Variants in SFMBT2 observed in about 807,000 individuals in gnomAD.
The protein encoded by SFMBT2 is Scm like with four mbt domains 2.
In SFMBT2, 38 loss-of-function variants were observed where a neutral mutation model predicts 110.1. The ratio of observed to expected loss-of-function variants is 0.35; its 90% CI spans 0.27 to 0.45. The LOEUF (loss-of-function observed/expected upper bound fraction) is 0.45. SFMBT2 is among the 20% of genes least tolerant of loss of function. The pLI is 1.00. For missense variants in SFMBT2, 1,011 were observed against 1,094.9 expected, an observed-to-expected ratio of 0.92 and a Z score of 1.08; for synonymous variants, 425 against 425.4, an observed-to-expected ratio of 1.00 and a Z score of 0.01.
intron 4 of SFMBT2, among the ~76,000 whole-genome samples, chr10:7,344,077 C>T (rs1844021994): frequency 6.6e-6 from 1 of 152,172 alleles, no homozygotes; most frequent in South Asian, 2.1e-4. Flanking sequence ...GGGGCTTTTT[C>T]GTGCCTTCCT....
At chr10:7,251,202 G>A (rs1345626349) in intron 7 of SFMBT2, among the ~76,000 whole-genome samples, 1 of 151,304 alleles carries the variant, frequency 6.6e-6, no homozygotes, top group Non-Finnish European at 1.5e-5. Context: ...TGGGCTGGAC[G>A]CAGTGGCTCC....
rs952971320 is a variant in SFMBT2 at position 7,408,438 on chromosome 10, T to C, written c.-52+2423A>G. On this transcript the variant is annotated intron_variant, in intron 1 of 20. Coordinates refer to ENST00000397167, the MANE Select transcript of SFMBT2 (RefSeq NM_001387889.1). The surrounding 1 kb of genome is among the most constrained non-coding windows in gnomAD (Gnocchi z 5.7). ...CGTTCTGCGCTCCTGCAAACCACGT[T>C]GCTGCGCTAACTACAAACCTGGCCA... 3.3e-5 allele frequency among the ~76,000 whole-genome samples: 5 copies of C among 152,250 alleles called. No individual in the cohort carries two copies. Among genetic ancestry groups the C allele is most frequent in the Non-Finnish European group, 5.9e-5 (4 of 68,036 alleles).
At chr10:7,200,597 G>T in intron 13 of SFMBT2, 113 bp from the exon 14 acceptor site, 1 of 813,372 alleles carries the variant, frequency 1.2e-6, no homozygotes, top group South Asian at 2.2e-5. Context: ...CAGATAAGAG[G>T]ACCATAGAAT....
chr10:7,368,815 T>C (rs2132054256), intron 3 of SFMBT2, among the ~76,000 whole-genome samples: 1 of 152,346 alleles, frequency 6.6e-6, no homozygotes, highest in East Asian at 1.9e-4. Flanking sequence ...CATAACCACA[T>C]CATATGCTTG....
chr10:7,271,461 C>CA (rs1300684814), intron 7 of SFMBT2, among the ~76,000 whole-genome samples: 2 of 151,936 alleles, frequency 1.3e-5, no homozygotes, highest in East Asian at 3.9e-4. Context: ...CAAAGTTAGG[C>CA]AAAAAGAGGC....
intron 4 of SFMBT2, among the ~76,000 whole-genome samples, chr10:7,303,463 C>T (rs529735075): frequency 8.6e-5 from 13 of 151,874 alleles, no homozygotes; most frequent in Non-Finnish European, 1.3e-4. Flanking sequence ...CTTTCCACCA[C>T]GGAAAGATGG....
At chr10:7,200,542 A>T in intron 13 of SFMBT2, 58 bp from the exon 14 acceptor site, 2 of 1,404,752 alleles carry the variant, frequency 1.4e-6, no homozygotes, top group Non-Finnish European at 1.9e-6. Context: ...GAACTACTAC[A>T]TTCCAAAGTC....
chr10:7,250,659 C>T (rs1373696854), intron 7 of SFMBT2, among the ~76,000 whole-genome samples: 1 of 152,200 alleles, frequency 6.6e-6, no homozygotes, highest in Non-Finnish European at 1.5e-5. Context: ...AATCTCAAAA[C>T]TGCTTTCACA....
intron 17 of SFMBT2, among the ~76,000 whole-genome samples, chr10:7,174,104 C>A (rs551712087): frequency 3.3e-5 from 5 of 152,248 alleles, no homozygotes; most frequent in Non-Finnish European, 2.9e-5. Flanking sequence ...CCAGGAGGCA[C>A]ACCTGCTCCG....
chr10:7,261,854 T>C (rs77702760), intron 7 of SFMBT2, among the ~76,000 whole-genome samples: 9,610 of 152,330 alleles, frequency 0.063, 406 homozygotes, highest in Admixed American at 0.089. Flanking sequence ...CTTGACTTTA[T>C]GTCATTGAGA....
intron 11 of SFMBT2, among the ~76,000 whole-genome samples, chr10:7,212,149 C>T (rs1839372698): frequency 6.6e-6 from 1 of 152,190 alleles, no homozygotes; most frequent in Non-Finnish European, 1.5e-5. Flanking sequence ...ACCCCGTTGA[C>T]TGGGATGTGG....
At chr10:7,328,161 A>G (rs181284679) in intron 4 of SFMBT2, among the ~76,000 whole-genome samples, 89 of 152,328 alleles carry the variant, frequency 5.8e-4, no homozygotes, top group African/African-American at 2.1e-3. Context: ...TTATGTTACT[A>G]ATTATAATAG....
At chr10:7,194,031 C>T (rs1463938847) in intron 15 of SFMBT2, among the ~76,000 whole-genome samples, 1 of 152,176 alleles carries the variant, frequency 6.6e-6, no homozygotes, top group African/African-American at 2.4e-5. Context: ...TCACCACTGC[C>T]TGTGCCTAAC....
At chr10:7,164,788 CA>C (rs1564361625) in intron 20 of SFMBT2, among the ~76,000 whole-genome samples, 5,399 of 137,822 alleles carry the variant, frequency 0.039, 129 homozygotes, top group Admixed American at 0.077. Flanking sequence ...CACACACACA[CA>C]CACCATTTAC....
At chr10:7,315,038 G>GAAAGAAAGAAAGAAAGAA (rs1242711654) in intron 4 of SFMBT2, among the ~76,000 whole-genome samples, 1 of 82,250 alleles carries the variant, frequency 1.2e-5, no homozygotes, top group Non-Finnish European at 2.4e-5. Flanking sequence ...AAGAAAGAAA[G>GAAAGAAAGAAAGAAAGAA]AGAAAGAAAG....
intron 4 of SFMBT2, among the ~76,000 whole-genome samples, chr10:7,321,201 C>CTTT (rs542174351): frequency 4.6e-5 from 6 of 130,464 alleles, no homozygotes; most frequent in African/African-American, 8.6e-5. Context: ...TATGAGCATC[C>CTTT]TTTTTTTTTT....
At chr10:7,288,835 C>T (rs1331109497) in intron 4 of SFMBT2, among the ~76,000 whole-genome samples, 1 of 143,152 alleles carries the variant, frequency 7.0e-6, no homozygotes, top group African/African-American at 2.7e-5. Flanking sequence ...TCAAGATCAG[C>T]CTGGCCAATA....
At chr10:7,167,927 G>A (rs190773708) in intron 20 of SFMBT2, among the ~76,000 whole-genome samples, 1 of 152,266 alleles carries the variant, frequency 6.6e-6, no homozygotes, top group Non-Finnish European at 1.5e-5. Context: ...AATTAGCCAG[G>A]CATGGTGGCG....
At chr10:7,284,427 C>T (rs775435054) in intron 5 of SFMBT2, 5 of 1,158,466 alleles carry the variant, frequency 4.3e-6, no homozygotes, top group Non-Finnish European at 5.3e-6. Flanking sequence ...AAACAAATCA[C>T]CCTTCCCAGA....
Sources: allele counts gnomAD v4.1 joint callset (sites outside exome capture counted in the v4.1 genomes callset), GRCh38; gene constraint gnomAD v4.1.1; non-coding constraint Gnocchi (gnomAD v3.1); transcripts MANE v1.5; gene names NCBI Gene and HGNC (gene_info 2026-07-23, HGNC 2026-07-21).